The following KLF15 variants were observed in gnomAD, a reference collection of about 807,000 sequenced individuals.
KLF15 encodes KLF transcription factor 15, also known as Krueppel-like factor 15.
In KLF15, 4 loss-of-function variants were observed where a neutral mutation model predicts 24.6. The ratio of observed to expected loss-of-function variants is 0.16; its 90% CI spans 0.08 to 0.37. The LOEUF (loss-of-function observed/expected upper bound fraction) is 0.37. Ranked by LOEUF, KLF15 falls within the 10% of genes least tolerant of loss-of-function variation. The pLI, the probability that KLF15 is intolerant of heterozygous loss-of-function variation, is 1.00. For missense variants in KLF15, 496 were observed against 560.6 expected, an observed-to-expected ratio of 0.88 and a Z score of 1.16; for synonymous variants, 246 against 236.3, an observed-to-expected ratio of 1.04 and a Z score of -0.37.
downstream of KLF15, among the ~76,000 whole-genome samples, chr3:126,338,978 G>A (rs1159937428): frequency 1.3e-5 from 2 of 152,218 alleles, no homozygotes; most frequent in African/African-American, 4.8e-5. Context: ...AACAGCCTGG[G>A]GACCGGCTGC....
At chr3:126,337,934 G>A (rs545338908), downstream of KLF15, among the ~76,000 whole-genome samples, 1 of 152,262 alleles carries the variant, frequency 6.6e-6, no homozygotes, top group South Asian at 2.1e-4. Flanking sequence ...CAAGTCCCTG[G>A]GTGCCTTGTA....
intron 1 of KLF15, among the ~76,000 whole-genome samples, chr3:126,354,446 T>C (rs1237282457): frequency 6.6e-6 from 1 of 152,136 alleles, no homozygotes; most frequent in Non-Finnish European, 1.5e-5. Context: ...AAGTCCTTGC[T>C]CCCCTTCCCA....
At chr3:126,314,900 A>C in the KLF15 span, among the ~76,000 whole-genome samples, 1 of 152,222 alleles carries the variant, frequency 6.6e-6, no homozygotes, top group Non-Finnish European at 1.5e-5. Context: ...AGAAAGATAC[A>C]GACCTTGCAT....
At chr3:126,347,363 T>G (rs2082543166) in intron 2 of KLF15, among the ~76,000 whole-genome samples, 1 of 152,098 alleles carries the variant, frequency 6.6e-6, no homozygotes, top group South Asian at 2.1e-4. Flanking sequence ...AAAGCCTCAA[T>G]GCAGAGGGGT....
chr3:126,300,382 G>A, the KLF15 span, among the ~76,000 whole-genome samples: 5 of 152,288 alleles, frequency 3.3e-5, no homozygotes, highest in East Asian at 3.9e-4. Context: ...CCTGTGCAGC[G>A]CGTCCTCCCA....
chr3:126,351,018 G>A (rs1210791934), intron 2 of KLF15, among the ~76,000 whole-genome samples: 1 of 152,252 alleles, frequency 6.6e-6, no homozygotes, highest in Non-Finnish European at 1.5e-5. Context: ...TTCGCAAGCA[G>A]CCTACATTTC....
chr3:126,313,333 G>T, the KLF15 span, among the ~76,000 whole-genome samples: 1 of 152,190 alleles, frequency 6.6e-6, no homozygotes, highest in Non-Finnish European at 1.5e-5. Flanking sequence ...AACCTCTGTT[G>T]TTTAAGCCAC....
the KLF15 span, among the ~76,000 whole-genome samples, chr3:126,317,851 C>T: frequency 2.6e-5 from 4 of 152,318 alleles, no homozygotes; most frequent in South Asian, 8.3e-4. Context: ...GTGTCTCTCA[C>T]TATGTCTTCT....
the KLF15 span, among the ~76,000 whole-genome samples, chr3:126,316,439 T>TGAGTGGGGAAGGGAGACTATGGGCCG: frequency 3.4e-5 from 4 of 118,496 alleles, no homozygotes; most frequent in South Asian, 2.8e-4. Context: ...TGCATGGGCC[T>TGAGTGGGGAAGGGAGACTATGGGCCG]GAGTGGGGAA....
At chr3:126,300,467 T>C in the KLF15 span, among the ~76,000 whole-genome samples, 1 of 152,146 alleles carries the variant, frequency 6.6e-6, no homozygotes, top group Non-Finnish European at 1.5e-5. Flanking sequence ...GGGGTCTTCC[T>C]CCACTGCACG....
At position 126,343,786 on chromosome 3, in the gene KLF15, T is replaced by C; in HGVS notation, c.1192A>G (p.Lys398Glu). The C allele has an allele frequency of 6.2e-7, 1 of 1,612,052 alleles. No individual in the cohort carries two copies. The highest frequency in any genetic ancestry group is 8.5e-7 in the Non-Finnish European group (1 of 1,179,914). Residue 398 changes from lysine (K) to glutamate (E), a missense_variant, in exon 3 of 3, where the codon AAG becomes GAG. By Grantham distance (56) the Lys-to-Glu change is moderately conservative (BLOSUM62 1). Around this residue, in one of 3 missense-constraint regions of KLF15, gnomAD observed 38 missense variants for 31.5 expected, o/e 1.21. Transcript: ENST00000296233. ...KKFARSDHLS[K>E]HIKVHRFPRS... is the part of the protein sequence containing the mutation. ...GGGAAGCGGTGCACCTTGATGTGCTTGGAGAGGTGGTCGCTCCGCGCGAAC... is the reference window on the plus strand; with the variant it reads ...GGGAAGCGGTGCACCTTGATGTGCTCGGAGAGGTGGTCGCTCCGCGCGAAC...
At chr3:126,290,021 A>C in the KLF15 span, among the ~76,000 whole-genome samples, 1 of 152,166 alleles carries the variant, frequency 6.6e-6, no homozygotes, top group African/African-American at 2.4e-5. Context: ...ATGCTCAGTA[A>C]CTCGACTCTT....
the KLF15 span, among the ~76,000 whole-genome samples, chr3:126,318,797 A>C: frequency 6.6e-6 from 1 of 152,200 alleles, no homozygotes; most frequent in Non-Finnish European, 1.5e-5. Flanking sequence ...GTTTTAGCTG[A>C]TGAACAGACA....
the KLF15 span, among the ~76,000 whole-genome samples, chr3:126,321,065 G>A: frequency 1.3e-5 from 2 of 152,148 alleles, no homozygotes; most frequent in South Asian, 4.1e-4. Context: ...GACACAGCCA[G>A]GAAGGGTATC....
rs371954385 is a variant in KLF15, at chr3:126,352,488, T to G, written c.435A>C (p.Glu145Asp). ...GCTCCATGTTCTCCTCCAGAAACTC[T>G]TCAATCTCCTCCAGGGTAGGCTGGA... ...RPFQPTLEEI[E>D]EFLEENMEPG... The change falls in exon 2 of 3, where the codon GAA becomes GAC. Residue 145 changes from glutamate to aspartate, a missense_variant. This residue lies in a region of KLF15 where 399 missense variants were observed against 423.1 expected (regional missense o/e 0.94). Coordinates refer to ENST00000296233, the MANE Select transcript of KLF15 (RefSeq NM_014079.4). 5 of 1,613,324 alleles carry G rather than the reference T, an allele frequency of 3.1e-6. No homozygotes were observed. The highest frequency in any genetic ancestry group is 4.2e-6 in the Non-Finnish European group (5 of 1,180,018).
At chr3:126,292,906 G>T in the KLF15 span, among the ~76,000 whole-genome samples, 436 of 152,220 alleles carry the variant, frequency 2.9e-3, 3 homozygotes, top group African/African-American at 0.01. Flanking sequence ...AGGCTCAGTT[G>T]TCTGCCTGGT....
At position 126,343,171 on chromosome 3, in the gene KLF15, CCCCCCCCCG is replaced by C. The variant is rs2082495018; in HGVS notation, c.*547_*555del. The C allele has an allele frequency of 2.2e-5, 1 of 45,502 alleles. No homozygotes were observed. The highest frequency in any genetic ancestry group is 7.0e-5 in the Non-Finnish European group (1 of 14,340). 2.8% of individuals were successfully genotyped at this position (45,502 alleles called of 1,614,324 possible). ...GGTCCTGCCCCCCCCCCCCCCCCCC[CCCCCCCCCG>C]GCTCCAGGGACCTGCCCACACCCTC... On this transcript the variant is annotated 3_prime_UTR_variant, in exon 3 of 3. Coordinates refer to ENST00000296233, the MANE Select transcript of KLF15 (RefSeq NM_014079.4).
chr3:126,304,437 T>A, the KLF15 span, among the ~76,000 whole-genome samples: 1 of 152,186 alleles, frequency 6.6e-6, no homozygotes, highest in African/African-American at 2.4e-5. Context: ...TTCCCTCTAA[T>A]CTTTTCTAAT....
chr3:126,319,298 T>C, the KLF15 span, among the ~76,000 whole-genome samples: 1 of 152,232 alleles, frequency 6.6e-6, no homozygotes, highest in Non-Finnish European at 1.5e-5. Flanking sequence ...TTCATTTGGG[T>C]AAATACCAAG....
Sources: allele counts gnomAD v4.1 joint callset (sites outside exome capture counted in the v4.1 genomes callset), GRCh38; gene constraint gnomAD v4.1.1; regional missense constraint gnomAD v4.1.1; transcripts MANE v1.5; gene names NCBI Gene and HGNC (gene_info 2026-07-23, HGNC 2026-07-21).